The following IL2RB variants were observed in gnomAD, a reference collection of about 807,000 sequenced individuals.
IL2RB encodes interleukin 2 receptor subunit beta, also known as interleukin-2 receptor subunit beta.
Under a neutral mutation model 44.2 loss-of-function variants are expected in IL2RB, and 17 were observed. The observed-to-expected ratio is 0.38, with a 90% CI of 0.26 to 0.58. The LOEUF (loss-of-function observed/expected upper bound fraction) is 0.58. Among genes scored for constraint, IL2RB ranks in the 20% least tolerant of loss-of-function variants. The pLI, the probability that IL2RB is intolerant of heterozygous loss-of-function variation, is 0.63. For synonymous variants in IL2RB, 286 were observed against 297.9 expected, an observed-to-expected ratio of 0.96 and a Z score of 0.41; for missense variants, 624 against 685.5, an observed-to-expected ratio of 0.91 and a Z score of 1.00.
chr22:37,155,485 G>A (rs1189078423), intron 1 of IL2RB, among the ~76,000 whole-genome samples: 1 of 152,178 alleles, frequency 6.6e-6, no homozygotes, highest in Non-Finnish European at 1.5e-5. Context: ...CTCTGACCCT[G>A]CCTCCTGTGC....
intron 7 of IL2RB, 39 bp from the exon 8 acceptor site, chr22:37,135,481 G>A (rs3218305): frequency 1.1e-5 from 15 of 1,349,388 alleles, no homozygotes; most frequent in African/African-American, 1.0e-4. Flanking sequence ...AGAGGGGTTA[G>A]AGAAGTGCCC....
chr22:37,145,433 T>C (rs376291225), intron 1 of IL2RB, among the ~76,000 whole-genome samples: 15 of 151,918 alleles, frequency 9.9e-5, no homozygotes, highest in African/African-American at 3.6e-4. Context: ...TATTTACTTT[T>C]TTTTTTTGAG....
chr22:37,161,562 A>G (rs1034234442), intron 1 of IL2RB, among the ~76,000 whole-genome samples: 1 of 150,654 alleles, frequency 6.6e-6, no homozygotes, highest in South Asian at 2.1e-4. Flanking sequence ...GGTTCCTTCA[A>G]TCAGAAGCCT....
At chr22:37,131,226 G>A (rs1428170031) in intron 9 of IL2RB, among the ~76,000 whole-genome samples, 3 of 152,124 alleles carry the variant, frequency 2.0e-5, no homozygotes, top group Non-Finnish European at 4.4e-5. Context: ...TCTCATCTTG[G>A]GAGTTTTCCA....
intron 1 of IL2RB, among the ~76,000 whole-genome samples, chr22:37,158,561 A>G (rs547953241): frequency 3.3e-5 from 5 of 152,256 alleles, no homozygotes; most frequent in Admixed American, 6.5e-5. Context: ...CCGTCTAAAA[A>G]AAATAGGAAG....
At chr22:37,161,145 A>G (rs1417810899) in intron 1 of IL2RB, among the ~76,000 whole-genome samples, 1 of 152,234 alleles carries the variant, frequency 6.6e-6, no homozygotes. Context: ...CATCTCAAAG[A>G]AACCAAAACA....
intron 1 of IL2RB, among the ~76,000 whole-genome samples, chr22:37,168,051 G>A (rs145768559): frequency 6.6e-6 from 1 of 152,204 alleles, no homozygotes; most frequent in Admixed American, 6.5e-5. Flanking sequence ...CTCTAACTCA[G>A]AGTACCTTCT....
In IL2RB at chr22:37,128,538, G is replaced by C; in HGVS notation, c.1214C>G (p.Pro405Arg). 1 of 1,613,626 alleles carries C rather than the reference G, an allele frequency of 6.2e-7. No individual in the cohort carries two copies. The highest frequency in any genetic ancestry group is 8.5e-7 in the Non-Finnish European group (1 of 1,179,686). ...CCCTGACAGAGGCTGCAGGGGTTGG[G>C]GGGAAGACCCTGTGGGTGCCCCGGC... ...GVAGAPTGSS[P>R]QPLQPLSGED... Residue 405 changes from proline to arginine, a missense_variant, in exon 10 of 10, where the codon CCC becomes CGC. By Grantham distance (103) the Pro-to-Arg change is moderately radical. Around this residue, in one of 3 missense-constraint regions of IL2RB, gnomAD observed 291 missense variants for 275.5 expected, o/e 1.06. Transcript: ENST00000216223. This position sits in a 1 kb window ranked among gnomAD's most constrained non-coding sequence, Gnocchi z 4.5.
At chr22:37,163,276 A>G (rs1016875983) in intron 1 of IL2RB, among the ~76,000 whole-genome samples, 7 of 152,178 alleles carry the variant, frequency 4.6e-5, no homozygotes, top group African/African-American at 1.7e-4. Flanking sequence ...CCTTTGAGGC[A>G]CCAACCTCCA....
chr22:37,127,057 C>G lies in IL2RB; in HGVS notation c.*1039G>C, dbSNP rs1323887899. 1 of 152,074 alleles carries G rather than the reference C, an allele frequency of 6.6e-6. No homozygotes were observed. Among genetic ancestry groups the G allele is most frequent in the East Asian group, 1.9e-4 (1 of 5,172 alleles). The allele number at this position is 152,074 out of a possible 1,614,324, so 9.4% of individuals were successfully genotyped here. A position where few individuals can be genotyped will look rare whatever the true frequency, so the allele number is the denominator to read the frequency against. ...TCCAGTGGAGGGGGCAGTGGGAGGT[C>G]CCAGGCCTGGCAGCATCAGGGCCCA... is the stretch of plus-strand genomic sequence containing the variant. On this transcript the variant is annotated 3_prime_UTR_variant, in exon 10 of 10. Transcript: ENST00000216223.
At chr22:37,136,435 A>G in intron 6 of IL2RB, 42 bp from the exon 7 acceptor site, 3 of 1,567,490 alleles carry the variant, frequency 1.9e-6, no homozygotes, top group Middle Eastern at 2.0e-4. Context: ...CTCACCTCCC[A>G]TGGCAGGGCC....
intron 1 of IL2RB, among the ~76,000 whole-genome samples, chr22:37,155,371 G>A (rs1175644590): frequency 1.3e-5 from 2 of 152,130 alleles, no homozygotes; most frequent in African/African-American, 4.8e-5. Context: ...TCACCCCCCA[G>A]CCACTCCCCA....
At chr22:37,150,407 C>G (rs1477947317), upstream of IL2RB, among the ~76,000 whole-genome samples, 4 of 152,134 alleles carry the variant, frequency 2.6e-5, no homozygotes, top group African/African-American at 9.7e-5. Context: ...CCCCTTACTC[C>G]GTTTAGCATT....
intron 1 of IL2RB, among the ~76,000 whole-genome samples, chr22:37,170,796 CA>C (rs1923257196): frequency 6.6e-6 from 1 of 152,186 alleles, no homozygotes; most frequent in African/African-American, 2.4e-5. Flanking sequence ...TGCTGATCTC[CA>C]AAGAGATGAA....
intron 1 of IL2RB, among the ~76,000 whole-genome samples, chr22:37,173,203 CAGAG>C (rs1471459780): frequency 6.6e-6 from 1 of 152,198 alleles, no homozygotes; most frequent in Non-Finnish European, 1.5e-5. Flanking sequence ...ACCTCTTCCT[CAGAG>C]AGGCCTTCCC....
At chr22:37,148,204 G>C (rs918801987) in intron 1 of IL2RB, among the ~76,000 whole-genome samples, 1 of 149,504 alleles carries the variant, frequency 6.7e-6, no homozygotes, top group Non-Finnish European at 1.5e-5. Context: ...AGCGATGCTC[G>C]GAGAGGGCAG....
At position 37,137,497 on chromosome 22, in the gene IL2RB, G is replaced by A. The variant is rs1003028796; in HGVS notation, c.537+90C>T. ...CCACCCACCATCCACCTGGGGCTGAGGGGACCTCGACACAATGAAAAAGGG... is the reference window on the plus strand; with the variant it reads ...CCACCCACCATCCACCTGGGGCTGAAGGGACCTCGACACAATGAAAAAGGG... On this transcript the variant is annotated intron_variant, in intron 6 of 9. Coordinates refer to ENST00000216223, the MANE Select transcript of IL2RB (RefSeq NM_000878.5). 5 of 1,404,086 alleles carry A rather than the reference G, an allele frequency of 3.6e-6. No individual in the cohort carries two copies. The South Asian group carries it at 3.8e-5, about 11-fold the overall frequency. 87.0% of individuals were successfully genotyped at this position (1,404,086 alleles called of 1,614,324 possible). A position where few individuals can be genotyped will look rare whatever the true frequency, so the allele number is the denominator to read the frequency against.
rs745709508 is a variant in IL2RB, at chr22:37,144,167, C to T, written c.6G>A (p.Ala2=). 1.8e-5 allele frequency: 28 copies of T among 1,550,872 alleles called. No individual in the cohort carries two copies. Among genetic ancestry groups the T allele is most frequent in the East Asian group, 9.8e-5 (4 of 40,962 alleles). Reference sequence around the variant, plus strand: ...GCAGACGCCAGGACAGAGCAGGGGCCGCCATTACATCCACAGGGTGGAGCC... The same window carrying T: ...GCAGACGCCAGGACAGAGCAGGGGCTGCCATTACATCCACAGGGTGGAGCC... The part of the protein sequence containing the change: M[A]APALSWRLPL... Residue 2 remains alanine, a synonymous_variant, in exon 2 of 10, where the codon GCG becomes GCA. Transcript: ENST00000216223.
intron 1 of IL2RB, among the ~76,000 whole-genome samples, chr22:37,159,465 G>A (rs867880820): frequency 1.3e-5 from 2 of 152,086 alleles, no homozygotes; most frequent in Admixed American, 6.6e-5. Flanking sequence ...TCCTCCGAGC[G>A]GGAAAGATGC....
Sources: gnomAD v4.1 joint callset for allele counts (sites outside exome capture counted in the v4.1 genomes callset) on GRCh38, gnomAD v4.1.1 for gene constraint, gnomAD v4.1.1 regional missense constraint, Gnocchi (gnomAD v3.1) non-coding constraint, MANE v1.5 for transcripts, NCBI Gene and HGNC (gene_info 2026-07-23, HGNC 2026-07-21) for gene names.